The following RFX3 variants were observed in gnomAD, a reference collection of about 807,000 sequenced individuals.
RFX3 encodes the protein transcription factor RFX3.
In RFX3, 14 loss-of-function variants were observed where a neutral mutation model predicts 98.6. The ratio of observed to expected loss-of-function variants is 0.14; its 90% CI spans 0.09 to 0.22. The LOEUF (loss-of-function observed/expected upper bound fraction) is 0.22. Ranked by LOEUF, RFX3 falls within the 10% of genes least tolerant of loss-of-function variation. RFX3 has a pLI of 1.00. For synonymous variants in RFX3, 383 were observed against 328.4 expected, an observed-to-expected ratio of 1.17 and a Z score of -1.80; for missense variants, 639 against 926.9, an observed-to-expected ratio of 0.69 and a Z score of 4.03.
chr9:3,504,375 T>G (rs1816468157), intron 1 of RFX3, among the ~76,000 whole-genome samples: 1 of 133,868 alleles, frequency 7.5e-6, no homozygotes, highest in Admixed American at 8.2e-5. Flanking sequence ...AAATATATAT[T>G]ATATACCACA....
At chr9:3,250,301 T>C (rs1049911634) in intron 14 of RFX3, among the ~76,000 whole-genome samples, 5 of 152,034 alleles carry the variant, frequency 3.3e-5, no homozygotes, top group African/African-American at 9.7e-5. Flanking sequence ...TGAAGAAAGA[T>C]AGCAAGTATT....
At chr9:3,340,408 C>G (rs1587172350) in intron 3 of RFX3, among the ~76,000 whole-genome samples, 1 of 152,252 alleles carries the variant, frequency 6.6e-6, no homozygotes, top group Non-Finnish European at 1.5e-5. Context: ...CAAATGGGAT[C>G]TAATAAAACC....
At chr9:3,365,641 T>C (rs1215530430) in intron 2 of RFX3, among the ~76,000 whole-genome samples, 1 of 152,188 alleles carries the variant, frequency 6.6e-6, no homozygotes, top group African/African-American at 2.4e-5. Flanking sequence ...GAACTGCATT[T>C]TACTGATCCC....
rs1817417937 is a variant in RFX3, at chr9:3,222,949, T to C, written c.*2093A>G. On this transcript the variant is annotated 3_prime_UTR_variant, in exon 17 of 17. Transcript: ENST00000617270. ...AATTTTACTTAAGAAATGTTGTTGA[T>C]GTTATTTGAGTAGTCTGAGGCAATT... The C allele has an allele frequency of 6.6e-6, 1 of 152,138 alleles. No individual in the cohort carries two copies. The highest frequency in any genetic ancestry group is 1.5e-5 in the Non-Finnish European group (1 of 68,020). The allele number at this position is 152,138 out of a possible 1,614,324, so 9.4% of individuals were successfully genotyped here. A position where few individuals can be genotyped will look rare whatever the true frequency, so the allele number is the denominator to read the frequency against.
chr9:3,225,318 C>T, intron 16 of RFX3, 38 bp from the exon 17 acceptor site: 2 of 1,604,188 alleles, frequency 1.2e-6, no homozygotes, highest in Non-Finnish European at 1.7e-6. Context: ...TCATCGAAGA[C>T]AAATTAGAAA....
chr9:3,245,372 CA>C lies in RFX3; in HGVS notation c.1968+2659del, dbSNP rs371415278. On this transcript the variant is annotated intron_variant, in intron 15 of 16. Coordinates refer to ENST00000617270, the MANE Select transcript of RFX3 (RefSeq NM_001282116.2). ...AGAGAAAAGGCCACTGTGATTGCAA[CA>C]GAAAGAGTAGGAAGTGGGAGGCTGA... Among the ~76,000 whole-genome samples the C allele has an allele frequency of 1.4e-4, 22 of 152,224 alleles. No individual in the cohort carries two copies. The East Asian group carries it at 3.1e-3, about 21-fold the overall frequency.
chr9:3,285,313 C>G (rs1456942794), intron 7 of RFX3, among the ~76,000 whole-genome samples: 1 of 151,766 alleles, frequency 6.6e-6, no homozygotes, highest in Admixed American at 6.6e-5. Flanking sequence ...GACTGGCAGT[C>G]TCTTTATATA....
At chr9:3,242,242 A>T (rs1820034941) in intron 15 of RFX3, among the ~76,000 whole-genome samples, 1 of 152,206 alleles carries the variant, frequency 6.6e-6, no homozygotes, top group African/African-American at 2.4e-5. Context: ...ATCAGTATCA[A>T]ATAAGAATGT....
chr9:3,290,201 T>TAA (rs1293258037), intron 6 of RFX3, among the ~76,000 whole-genome samples: 111 of 141,722 alleles, frequency 7.8e-4, no homozygotes, highest in African/African-American at 2.6e-3. Flanking sequence ...TACATACAAT[T>TAA]AAAAAAAAAA....
chr9:3,425,640 G>C (rs77236235), intron 1 of RFX3, among the ~76,000 whole-genome samples: 5,999 of 152,178 alleles, frequency 0.039, 423 homozygotes, highest in African/African-American at 0.14. Context: ...TATTCATACT[G>C]CTTGGGGTTT....
At chr9:3,315,311 T>C (rs996132879) in intron 4 of RFX3, among the ~76,000 whole-genome samples, 10 of 152,328 alleles carry the variant, frequency 6.6e-5, no homozygotes, top group African/African-American at 2.2e-4. Context: ...AATAAAGGTA[T>C]TCTTTGAAAC....
At chr9:3,238,967 G>T (rs1180995599) in intron 15 of RFX3, among the ~76,000 whole-genome samples, 1 of 150,316 alleles carries the variant, frequency 6.7e-6, no homozygotes, top group East Asian at 2.0e-4. Flanking sequence ...TTGCACTCCA[G>T]CCTGGGCAAC....
Position 3,366,693 on chromosome 9 carries a change from C to CCTTCCTTTCTTTCTTT in RFX3, c.118-19930_118-19929insAAAGAAAGAAAGGAAG, listed in dbSNP as rs1491500921. On this transcript the variant is annotated intron_variant, in intron 2 of 16. Coordinates refer to ENST00000617270, the MANE Select transcript of RFX3 (RefSeq NM_001282116.2). Reference sequence around the variant, plus strand: ...CTTTCTCTTTCTTTCTTCTTTCTTTCCTTTCTTTCTTTCTTTCTTTCTTTC... The same window carrying CCTTCCTTTCTTTCTTT: ...CTTTCTCTTTCTTTCTTCTTTCTTTCCTTCCTTTCTTTCTTTCTTTCTTTCTTTCTTTCTTTCTTTC... Among the ~76,000 whole-genome samples the CCTTCCTTTCTTTCTTT allele has an allele frequency of 2.2e-3, 186 of 85,490 alleles. 5 individuals are homozygous for CCTTCCTTTCTTTCTTT. Among genetic ancestry groups the CCTTCCTTTCTTTCTTT allele is most frequent in the Admixed American group, 7.6e-3 (59 of 7,774 alleles). The allele number at this position is 85,490 out of a possible 152,430, so 56.1% of individuals were successfully genotyped here.
intron 1 of RFX3, among the ~76,000 whole-genome samples, chr9:3,496,451 T>A (rs1218090294): frequency 1.3e-5 from 2 of 152,026 alleles, no homozygotes; most frequent in East Asian, 3.8e-4. Flanking sequence ...CAATTTTGTT[T>A]CTGATTGTCT....
chr9:3,411,909 G>T (rs1842497579), intron 1 of RFX3, among the ~76,000 whole-genome samples: 3 of 152,072 alleles, frequency 2.0e-5, no homozygotes, highest in Admixed American at 2.0e-4. Flanking sequence ...AGCTGAGTCA[G>T]GAGTGCAGCT....
At chr9:3,431,170 C>G (rs183610044) in intron 1 of RFX3, among the ~76,000 whole-genome samples, 1 of 152,282 alleles carries the variant, frequency 6.6e-6, no homozygotes, top group Non-Finnish European at 1.5e-5. Context: ...TCTGAGTGAG[C>G]AGTTCATCTT....
chr9:3,437,826 T>C (rs954209225), intron 1 of RFX3, among the ~76,000 whole-genome samples: 2 of 152,050 alleles, frequency 1.3e-5, no homozygotes, highest in Non-Finnish European at 2.9e-5. Flanking sequence ...TCTCTCCATG[T>C]CAGATGGCAT....
At chr9:3,332,452 C>A (rs545564588) in intron 3 of RFX3, among the ~76,000 whole-genome samples, 7 of 152,224 alleles carry the variant, frequency 4.6e-5, no homozygotes, top group Non-Finnish European at 1.0e-4. Flanking sequence ...CAAAAACTTT[C>A]AAATTTTGGA....
At chr9:3,456,465 T>C (rs1253784511) in intron 1 of RFX3, among the ~76,000 whole-genome samples, 1 of 152,202 alleles carries the variant, frequency 6.6e-6, no homozygotes, top group Non-Finnish European at 1.5e-5. Context: ...TATTAGCTTT[T>C]GCTCCCAGCT....
Sources: allele counts gnomAD v4.1 joint callset (sites outside exome capture counted in the v4.1 genomes callset), GRCh38; gene constraint gnomAD v4.1.1; transcripts MANE v1.5; gene names NCBI Gene and HGNC (gene_info 2026-07-23, HGNC 2026-07-21).